Variants in KIAA0753 observed in about 807,000 individuals in gnomAD.
The protein encoded by KIAA0753 is protein moonraker.
KIAA0753 carries 114 observed loss-of-function variants against 116.9 expected under a neutral mutation model. That is an observed-to-expected ratio of 0.98 (90% CI 0.84 to 1.14). The LOEUF is 1.14. Ranked by LOEUF, KIAA0753 falls within the 50% of genes most tolerant of loss-of-function variation. The pLI is 0.00. For synonymous variants in KIAA0753, 405 were observed against 413.1 expected, an observed-to-expected ratio of 0.98 and a Z score of 0.24; for missense variants, 1,156 against 1,172.4, an observed-to-expected ratio of 0.99 and a Z score of 0.20.
intron 9 of KIAA0753, 112 bp downstream of exon 9, chr17:6,609,882 G>GA: frequency 2.5e-6 from 3 of 1,199,872 alleles, no homozygotes; most frequent in Non-Finnish European, 3.5e-6. Context: ...CTGCTTAATG[G>GA]AAAAAATTAA....
At position 6,607,183 on chromosome 17, in the gene KIAA0753, C is replaced by T. The variant is rs757412707; in HGVS notation, c.1917G>A (p.Gln639=). Residue 639 remains glutamine, a splice_region_variant and synonymous_variant, in exon 11 of 19, where the codon CAG becomes CAA. Coordinates refer to ENST00000361413, the MANE Select transcript of KIAA0753 (RefSeq NM_014804.3). ...KAKEIDSMQK[Q]RLDWLDAETS... ...CTAACTCAGAAGCAAATATTTACCT[C>T]TGTTTTTGCATGCTGTCAATTTCCT... 1.9e-5 allele frequency: 31 copies of T among 1,612,810 alleles called. No homozygotes were observed. The highest frequency in any genetic ancestry group is 2.5e-5 in the Non-Finnish European group (30 of 1,178,878).
intron 16 of KIAA0753, 78 bp downstream of exon 16, chr17:6,594,894 T>A (rs1164402159): frequency 9.3e-6 from 10 of 1,079,822 alleles, no homozygotes; most frequent in Non-Finnish European, 1.4e-5. Context: ...GTGTTTACTA[T>A]ACAATTTTTT....
chr17:6,628,477 G>A lies in KIAA0753; in HGVS notation c.358C>T (p.His120Tyr), dbSNP rs1369554203. The change falls in exon 3 of 19, where the codon CAT becomes TAT. Residue 120 changes from histidine to tyrosine, a missense_variant. Physicochemically the swap from His to Tyr is moderately conservative, Grantham distance 83. Coordinates refer to ENST00000361413, the MANE Select transcript of KIAA0753 (RefSeq NM_014804.3). ...RRQFEKHIKE[H>Y]HLRSQPQSSQ... Reference sequence around the variant, plus strand: ...CTTTGAGGCTGACTTCTGAGATGATGTTCTTTTATATGTTTTTCAAATTGT... The same window carrying A: ...CTTTGAGGCTGACTTCTGAGATGATATTCTTTTATATGTTTTTCAAATTGT... 3 of 1,614,184 alleles carry A rather than the reference G, an allele frequency of 1.9e-6. No individual in the cohort carries two copies. Among genetic ancestry groups the A allele is most frequent in the Non-Finnish European group, 2.5e-6 (3 of 1,180,022 alleles).
At chr17:6,619,542 T>C (rs1441603846) in intron 7 of KIAA0753, among the ~76,000 whole-genome samples, 1 of 152,092 alleles carries the variant, frequency 6.6e-6, no homozygotes, top group African/African-American at 2.4e-5. Flanking sequence ...TCCTCCTGCC[T>C]CAGCCTTCCA....
intron 7 of KIAA0753, among the ~76,000 whole-genome samples, chr17:6,613,564 A>G (rs898891965): frequency 6.6e-6 from 1 of 152,258 alleles, no homozygotes; most frequent in Non-Finnish European, 1.5e-5. Context: ...TGTGGGAGTG[A>G]TGCAAACACA....
chr17:6,594,861 G>C (rs1969351084), intron 16 of KIAA0753, 111 bp downstream of exon 16: 3 of 752,754 alleles, frequency 4.0e-6, no homozygotes, highest in South Asian at 3.2e-5. Flanking sequence ...GTTAATTGTA[G>C]AATCTAGAAG....
rs755898649 is a variant in KIAA0753 at position 6,620,952 on chromosome 17, T to C, written c.1151A>G (p.Lys384Arg). 1 of 1,614,040 alleles carries C rather than the reference T, an allele frequency of 6.2e-7. No homozygotes were observed. The highest frequency in any genetic ancestry group is 1.1e-5 in the South Asian group (1 of 91,078). The change falls in exon 7 of 19, where the codon AAA (lysine) becomes AGA (arginine). Residue 384 changes from lysine (K) to arginine (R), a missense_variant. By Grantham distance (26) the Lys-to-Arg change is conservative. Coordinates refer to ENST00000361413, the MANE Select transcript of KIAA0753 (RefSeq NM_014804.3). Reference protein sequence around the residue: ...LEKKLSPKKVKKCFSEIRSRF... With the variant: ...LEKKLSPKKVRKCFSEIRSRF... ...GCTCCGAATTTCACTGAAACATTTT[T>C]TCACCTTTTTTGGTGACAGTTTCTT...
chr17:6,593,306 G>A (rs563934202), intron 16 of KIAA0753, among the ~76,000 whole-genome samples: 1 of 152,382 alleles, frequency 6.6e-6, no homozygotes, highest in South Asian at 2.1e-4. Flanking sequence ...GAGGCCGGGA[G>A]CAGTGGTTCA....
At chr17:6,630,536 A>C (rs892043828) in intron 2 of KIAA0753, among the ~76,000 whole-genome samples, 1 of 152,204 alleles carries the variant, frequency 6.6e-6, no homozygotes, top group Non-Finnish European at 1.5e-5. Flanking sequence ...AACTTGAAGG[A>C]CAAGTATCAC....
intron 18 of KIAA0753, among the ~76,000 whole-genome samples, chr17:6,587,500 G>C (rs1167275133): frequency 6.6e-6 from 1 of 152,132 alleles, no homozygotes; most frequent in Non-Finnish European, 1.5e-5. Flanking sequence ...ATCTTCCTTG[G>C]CTTGCTTTTG....
intron 13 of KIAA0753, 60 bp from the exon 14 acceptor site, chr17:6,599,380 A>G (rs1323962515): frequency 9.9e-6 from 11 of 1,106,658 alleles, no homozygotes; most frequent in Admixed American, 1.9e-5. Flanking sequence ...TATTAGTACA[A>G]ATGAATTCTA....
intron 4 of KIAA0753, chr17:6,623,912 G>A (rs1459951854): frequency 5.4e-6 from 1 of 186,892 alleles, no homozygotes; most frequent in Admixed American, 6.0e-5. Flanking sequence ...CATCCTCTAA[G>A]TTACAGAGAG....
At chr17:6,594,548 C>T (rs1175529060) in intron 16 of KIAA0753, among the ~76,000 whole-genome samples, 3 of 152,106 alleles carry the variant, frequency 2.0e-5, no homozygotes, top group African/African-American at 7.2e-5. Flanking sequence ...GCCTACGTGG[C>T]GGGGCATGAG....
chr17:6,627,412 T>G (rs906098632), intron 3 of KIAA0753, among the ~76,000 whole-genome samples: 4 of 152,246 alleles, frequency 2.6e-5, no homozygotes, highest in African/African-American at 7.2e-5. Flanking sequence ...TTCTAGACTA[T>G]GTACTACCCT....
At chr17:6,606,358 T>TGCA in intron 12 of KIAA0753, among the ~76,000 whole-genome samples, 1 of 152,216 alleles carries the variant, frequency 6.6e-6, no homozygotes, top group East Asian at 1.9e-4. Context: ...ATGAGGTAAT[T>TGCA]GCAGCAGCAG....
rs968215671 is a variant in KIAA0753, at chr17:6,619,231, G to GA, written c.1315+1556dup. Among the ~76,000 whole-genome samples the GA allele has an allele frequency of 3.0e-3, 422 of 139,720 alleles. 2 individuals are homozygous for GA. The highest frequency in any genetic ancestry group is 4.8e-3 in the Admixed American group (67 of 14,052). The allele number at this position is 139,720 out of a possible 152,430, so 91.7% of individuals were successfully genotyped here. ...ACAACGGAGCGAGATTCCACTTCAA[G>GA]AAAAAAAAAAAATCAGAATAATCTG... On this transcript the variant is annotated intron_variant, in intron 7 of 18. Transcript: ENST00000361413.
At chr17:6,634,452 G>A (rs1972188940) in intron 2 of KIAA0753, among the ~76,000 whole-genome samples, 1 of 152,162 alleles carries the variant, frequency 6.6e-6, no homozygotes, top group African/African-American at 2.4e-5. Flanking sequence ...AAGTAGTTTG[G>A]ATACTCATGC....
At chr17:6,586,205 C>T (rs971731593) in intron 18 of KIAA0753, among the ~76,000 whole-genome samples, 1 of 152,182 alleles carries the variant, frequency 6.6e-6, no homozygotes, top group Admixed American at 6.6e-5. Flanking sequence ...GGTACGTTTC[C>T]TGAGGTGTCC....
intron 18 of KIAA0753, among the ~76,000 whole-genome samples, chr17:6,581,527 T>C (rs1185581811): frequency 6.6e-6 from 1 of 152,212 alleles, no homozygotes; most frequent in African/African-American, 2.4e-5. Context: ...GGGAGATACT[T>C]TGAGACTATG....
Sources: allele counts gnomAD v4.1 joint callset (sites outside exome capture counted in the v4.1 genomes callset), GRCh38; gene constraint gnomAD v4.1.1; transcripts MANE v1.5; gene names NCBI Gene and HGNC (gene_info 2026-07-23, HGNC 2026-07-21).